ERBB4: variants seen among roughly 807,000 people sequenced by gnomAD.
ERBB4 encodes the protein erb-b2 receptor tyrosine kinase 4.
In ERBB4, 42 loss-of-function variants were observed where a neutral mutation model predicts 158.0. The observed-to-expected ratio is 0.27, with a 90% CI of 0.21 to 0.34. The LOEUF (loss-of-function observed/expected upper bound fraction) is 0.34, where lower values mean the gene tolerates loss of function less well. ERBB4 is among the 10% of genes least tolerant of loss of function. The probability of loss-of-function intolerance (pLI) is 1.00; values close to 1 mark genes in which losing one functional copy is unlikely to be tolerated. For synonymous variants in ERBB4, 583 were observed against 558.7 expected (o/e 1.04, Z -0.61); for missense variants, 1,333 against 1,624.1 (o/e 0.82, Z 3.08).
chr2:212,188,367 A>T (rs1156780227), intron 1 of ERBB4, among the ~76,000 whole-genome samples: 2 of 149,034 alleles, frequency 1.3e-5, no homozygotes, highest in Non-Finnish European at 3.0e-5. Flanking sequence ...TCTTGCCTGT[A>T]TTATAACATC....
intron 2 of ERBB4, among the ~76,000 whole-genome samples, chr2:211,953,152 A>G (rs546088336): frequency 5.3e-5 from 8 of 152,176 alleles, no homozygotes; most frequent in Non-Finnish European, 1.2e-4. Context: ...AAATAATTTT[A>G]TGAACTTGCC....
chr2:212,402,891 T>C (rs1369166794), intron 1 of ERBB4, among the ~76,000 whole-genome samples: 1 of 152,130 alleles, frequency 6.6e-6, no homozygotes, highest in Non-Finnish European at 1.5e-5. Flanking sequence ...TGATATATTT[T>C]GTTTCATTCA....
intron 1 of ERBB4, among the ~76,000 whole-genome samples, chr2:212,327,576 C>G (rs568808920): frequency 5.8e-4 from 88 of 151,886 alleles, no homozygotes; most frequent in Non-Finnish European, 1.1e-3. Flanking sequence ...AAAACCAAAC[C>G]AAAGTTACGT....
At chr2:212,029,921 T>C (rs1463059195) in intron 2 of ERBB4, among the ~76,000 whole-genome samples, 2 of 152,160 alleles carry the variant, frequency 1.3e-5, no homozygotes, top group Non-Finnish European at 2.9e-5. Flanking sequence ...GTATATTCCT[T>C]AGCTTAATCT....
intron 1 of ERBB4, among the ~76,000 whole-genome samples, chr2:212,336,965 A>G (rs1271138210): frequency 1.3e-5 from 2 of 152,092 alleles, no homozygotes; most frequent in Admixed American, 1.3e-4. Flanking sequence ...TGGTCTATGG[A>G]TCTCATTTTG....
intron 1 of ERBB4, among the ~76,000 whole-genome samples, chr2:212,216,391 T>C (rs2083101015): frequency 6.6e-6 from 1 of 151,384 alleles, no homozygotes; most frequent in Non-Finnish European, 1.5e-5. Flanking sequence ...ACATTTTAAC[T>C]ATTTTTACTA....
chr2:211,518,153 A>G (rs2066087408), intron 20 of ERBB4, among the ~76,000 whole-genome samples: 1 of 152,110 alleles, frequency 6.6e-6, no homozygotes, highest in Non-Finnish European at 1.5e-5. Flanking sequence ...GAATAAAACT[A>G]TGTAACTTCT....
intron 1 of ERBB4, among the ~76,000 whole-genome samples, chr2:212,515,512 T>C (rs1429464737): frequency 1.3e-5 from 2 of 151,982 alleles, no homozygotes; most frequent in Non-Finnish European, 2.9e-5. Flanking sequence ...AAAACAGATA[T>C]TTTAAAATCA....
intron 1 of ERBB4, among the ~76,000 whole-genome samples, chr2:212,248,025 A>G (rs1184137448): frequency 6.6e-6 from 1 of 152,170 alleles, no homozygotes; most frequent in Non-Finnish European, 1.5e-5. Flanking sequence ...AGTGATTATC[A>G]TTGTGGTTTG....
At chr2:212,157,154 A>T (rs879737516) in intron 1 of ERBB4, among the ~76,000 whole-genome samples, 9 of 151,960 alleles carry the variant, frequency 5.9e-5, no homozygotes, top group Non-Finnish European at 1.0e-4. Flanking sequence ...CTTTAGCACT[A>T]CCCCTCACAC....
intron 2 of ERBB4, among the ~76,000 whole-genome samples, chr2:212,003,148 G>GGAAAGAAAGAAAGAAAGAAAGAAA (rs1327750603): frequency 2.0e-4 from 3 of 15,194 alleles, no homozygotes; most frequent in African/African-American, 4.5e-4. Context: ...AAGGAAGGAA[G>GGAAAGAAAGAAAGAAAGAAAGAAA]GAAAGAAAGA....
chr2:212,424,181 A>G (rs1174904354), intron 1 of ERBB4, among the ~76,000 whole-genome samples: 3 of 152,072 alleles, frequency 2.0e-5, no homozygotes, highest in African/African-American at 7.2e-5. Context: ...TCATCCTATA[A>G]TCAACTACCT....
chr2:211,521,286 A>T (rs891458785), intron 20 of ERBB4, among the ~76,000 whole-genome samples: 2 of 152,104 alleles, frequency 1.3e-5, no homozygotes, highest in African/African-American at 4.8e-5. Context: ...AGAAAGCAAA[A>T]CAGCCTTATT....
intron 1 of ERBB4, among the ~76,000 whole-genome samples, chr2:212,456,933 A>G (rs1688321151): frequency 6.6e-6 from 1 of 151,864 alleles, no homozygotes; most frequent in Non-Finnish European, 1.5e-5. Flanking sequence ...TACATGTTCT[A>G]TTATACTTAA....
At chr2:212,417,858 T>A (rs1204511335) in intron 1 of ERBB4, among the ~76,000 whole-genome samples, 1 of 152,040 alleles carries the variant, frequency 6.6e-6, no homozygotes, top group Non-Finnish European at 1.5e-5. Flanking sequence ...ATTCTCTCAA[T>A]ATTCATATAC....
intron 1 of ERBB4, among the ~76,000 whole-genome samples, chr2:212,262,798 T>A (rs1406301054): frequency 2.0e-5 from 3 of 152,140 alleles, no homozygotes; most frequent in African/African-American, 7.2e-5. Context: ...GGAACACATA[T>A]AACAAAAACT....
intron 17 of ERBB4, among the ~76,000 whole-genome samples, chr2:211,628,378 C>T (rs2069948249): frequency 6.6e-6 from 1 of 152,112 alleles, no homozygotes; most frequent in African/African-American, 2.4e-5. Flanking sequence ...TCCATGTGTT[C>T]TCATTGTTCA....
chr2:211,641,949 T>A (rs2070610823), intron 16 of ERBB4, among the ~76,000 whole-genome samples: 1 of 151,888 alleles, frequency 6.6e-6, no homozygotes, highest in South Asian at 2.1e-4. Context: ...TTTTTTGTTT[T>A]ATCACTCTAA....
chr2:211,809,843 C>T (rs943833973), intron 3 of ERBB4, among the ~76,000 whole-genome samples: 4 of 152,102 alleles, frequency 2.6e-5, no homozygotes, highest in African/African-American at 9.7e-5. Context: ...ATAAATTTTC[C>T]TCTACACACT....
Sources: allele counts gnomAD v4.1 joint callset (sites outside exome capture counted in the v4.1 genomes callset), GRCh38; gene constraint gnomAD v4.1.1; transcripts MANE v1.5; gene names NCBI Gene and HGNC (gene_info 2026-07-23, HGNC 2026-07-21).